CCDC144A: variants seen among roughly 807,000 people sequenced by gnomAD.
The protein encoded by CCDC144A is coiled-coil domain-containing protein 144A.
In CCDC144A, 41 loss-of-function variants were observed where a neutral mutation model predicts 143.8. That is an observed-to-expected ratio of 0.29 (90% CI 0.22 to 0.37). CCDC144A has a LOEUF of 0.37. CCDC144A is among the 10% of genes least tolerant of loss of function. CCDC144A has a pLI of 1.00. For missense variants in CCDC144A, 637 were observed against 1,488.8 expected, an observed-to-expected ratio of 0.43 and a Z score of 9.41; for synonymous variants, 242 against 517.9, an observed-to-expected ratio of 0.47 and a Z score of 7.23.
At chr17:16,682,985 T>C in the CCDC144A span, among the ~76,000 whole-genome samples, 2 of 132,550 alleles carry the variant, frequency 1.5e-5, no homozygotes, top group Admixed American at 1.9e-4. Context: ...CACTGCAACC[T>C]CTGCCTCCTG....
At chr17:16,707,226 C>G in intron 3 of CCDC144A, 1 of 419,106 alleles carries the variant, frequency 2.4e-6, no homozygotes, top group Admixed American at 4.3e-5. Context: ...GTGAGTGAAT[C>G]TTCAACATGA....
chr17:16,773,823 G>C lies in CCDC144A; in HGVS notation c.*190G>C. On this transcript the variant is annotated 3_prime_UTR_variant, in exon 17 of 17. Transcript: ENST00000399273. ...AAGTGGATTTTGCAAATGAAAACCAGTATTACTGAGTTTTACATACTCGAA... is the reference window on the plus strand; with the variant it reads ...AAGTGGATTTTGCAAATGAAAACCACTATTACTGAGTTTTACATACTCGAA... 6 of 562,236 alleles carry C rather than the reference G, an allele frequency of 1.1e-5. No individual in the cohort carries two copies. Among genetic ancestry groups the C allele is most frequent in the Non-Finnish European group, 1.7e-5 (6 of 348,920 alleles). The allele number at this position is 562,236 out of a possible 1,614,324, so 34.8% of individuals were successfully genotyped here.
intron 2 of CCDC144A, among the ~76,000 whole-genome samples, chr17:16,695,901 C>T (rs1330803689): frequency 6.6e-6 from 1 of 152,042 alleles, no homozygotes; most frequent in African/African-American, 2.4e-5. Flanking sequence ...GCAGCGAGTG[C>T]AAAAGTAAGA....
chr17:16,741,443 AGCATGG>A (rs1356828626), intron 12 of CCDC144A, among the ~76,000 whole-genome samples: 1 of 152,216 alleles, frequency 6.6e-6, no homozygotes, highest in African/African-American at 2.4e-5. Context: ...GCTTCCTCAC[AGCATGG>A]GGGCTGGGGT....
At chr17:16,716,959 A>G (rs1912796963) in intron 6 of CCDC144A, among the ~76,000 whole-genome samples, 1 of 149,584 alleles carries the variant, frequency 6.7e-6, no homozygotes, top group Non-Finnish European at 1.5e-5. Context: ...GACTACAGGC[A>G]CCCACCACCG....
intron 8 of CCDC144A, among the ~76,000 whole-genome samples, chr17:16,724,993 T>C (rs1913324339): frequency 7.5e-6 from 1 of 133,974 alleles, no homozygotes; most frequent in African/African-American, 2.8e-5. Flanking sequence ...TGACTGTTTA[T>C]AGCTGGTAAT....
intron 2 of CCDC144A, among the ~76,000 whole-genome samples, chr17:16,693,325 T>TG (rs61440890): frequency 7.5e-6 from 1 of 133,780 alleles, no homozygotes; most frequent in Admixed American, 7.6e-5. Flanking sequence ...TGTTTTTTTT[T>TG]GTTTTTTTTT....
rs893479164 is a variant in CCDC144A at position 16,712,013 on chromosome 17, C to T, written c.1715+198C>T. The T allele has an allele frequency of 2.0e-4, 152 of 765,116 alleles. 2 individuals carry two copies. The highest frequency in any genetic ancestry group is 4.2e-4 in the Admixed American group (14 of 32,962). The allele number at this position is 765,116 out of a possible 1,614,324, so 47.4% of individuals were successfully genotyped here. ...GATGTAGTGGTGCATGCCTGTAATC[C>T]CAGTTACTCAGGAGGCTGAGGCAAG... is the stretch of plus-strand genomic sequence containing the variant. On this transcript the variant is annotated intron_variant, in intron 6 of 16. Transcript: ENST00000399273.
intron 15 of CCDC144A, among the ~76,000 whole-genome samples, chr17:16,768,502 T>A (rs1410356666): frequency 6.6e-6 from 1 of 152,222 alleles, no homozygotes; most frequent in Non-Finnish European, 1.5e-5. Flanking sequence ...AGGCCTGCGT[T>A]AGTGAGACCT....
intron 6 of CCDC144A, among the ~76,000 whole-genome samples, chr17:16,719,298 G>C (rs541268897): frequency 1.3e-5 from 2 of 152,148 alleles, no homozygotes; most frequent in African/African-American, 4.8e-5. Flanking sequence ...ATACATGAAT[G>C]AATACCTGTT....
intron 8 of CCDC144A, among the ~76,000 whole-genome samples, chr17:16,721,848 G>A (rs139425274): frequency 0.023 from 3,557 of 152,206 alleles, 138 homozygotes; most frequent in African/African-American, 0.081. Context: ...AAGCTGCCCC[G>A]CAGGTTGGAT....
intron 5 of CCDC144A, chr17:16,710,079 C>G (rs1162408783): frequency 5.3e-6 from 1 of 189,328 alleles, no homozygotes; most frequent in Non-Finnish European, 1.1e-5. Flanking sequence ...GTGGCAAACA[C>G]CTGTAGTCTC....
intron 12 of CCDC144A, among the ~76,000 whole-genome samples, chr17:16,756,072 G>A (rs571461034): frequency 5.3e-5 from 8 of 152,346 alleles, no homozygotes; most frequent in Admixed American, 4.6e-4. Flanking sequence ...TGACTCTGAT[G>A]TGCTGCAGAG....
upstream of CCDC144A, among the ~76,000 whole-genome samples, chr17:16,687,970 G>C (rs1910842240): frequency 6.6e-6 from 1 of 151,016 alleles, no homozygotes; most frequent in Non-Finnish European, 1.5e-5. Context: ...TCTATAAAGA[G>C]CACACTAGAT....
At chr17:16,714,362 A>G (rs1056494470) in intron 6 of CCDC144A, among the ~76,000 whole-genome samples, 6 of 152,318 alleles carry the variant, frequency 3.9e-5, no homozygotes, top group African/African-American at 1.4e-4. Flanking sequence ...ACTGTTGGGT[A>G]TCACAAAACC....
chr17:16,720,352 A>G (rs1005334944), intron 7 of CCDC144A, 121 bp downstream of exon 7: 2 of 1,326,200 alleles, frequency 1.5e-6, no homozygotes, highest in Non-Finnish European at 1.0e-6. Flanking sequence ...GTGATGAAGA[A>G]ACAGTAACCG....
chr17:16,693,349 C>T (rs1159509273), intron 2 of CCDC144A, among the ~76,000 whole-genome samples: 5 of 149,744 alleles, frequency 3.3e-5, no homozygotes, highest in South Asian at 2.1e-4. Context: ...GACGGAGTCT[C>T]GCTGTCGCCC....
the CCDC144A span, among the ~76,000 whole-genome samples, chr17:16,675,539 A>C: frequency 6.6e-6 from 1 of 151,832 alleles, no homozygotes; most frequent in Admixed American, 6.6e-5. Context: ...GGAAAACAAA[A>C]TAAAAAAAAA....
At chr17:16,671,869 TA>T in the CCDC144A span, among the ~76,000 whole-genome samples, 1 of 152,104 alleles carries the variant, frequency 6.6e-6, no homozygotes, top group African/African-American at 2.4e-5. Context: ...TTATCTTATA[TA>T]AAAATTATTT....
Sources: allele counts gnomAD v4.1 joint callset (sites outside exome capture counted in the v4.1 genomes callset), GRCh38; gene constraint gnomAD v4.1.1; transcripts MANE v1.5; gene names NCBI Gene and HGNC (gene_info 2026-07-23, HGNC 2026-07-21).